Variants in EHMT1 observed in about 807,000 individuals in gnomAD.
EHMT1 encodes euchromatic histone lysine methyltransferase 1.
In EHMT1, 15 loss-of-function variants were observed where a neutral mutation model predicts 147.2. The ratio of observed to expected loss-of-function variants is 0.10; its 90% CI spans 0.07 to 0.16. The LOEUF (loss-of-function observed/expected upper bound fraction) is 0.16. Among genes scored for constraint, EHMT1 ranks in the 10% least tolerant of loss-of-function variants. The pLI is 1.00. For synonymous variants in EHMT1, 795 were observed against 709.6 expected, an observed-to-expected ratio of 1.12 and a Z score of -1.91; for missense variants, 1,587 against 1,772.4, an observed-to-expected ratio of 0.90 and a Z score of 1.88.
At chr9:137,682,898 C>A (rs1433513947) in intron 1 of EHMT1, among the ~76,000 whole-genome samples, 1 of 152,208 alleles carries the variant, frequency 6.6e-6, no homozygotes, top group Admixed American at 6.5e-5. Flanking sequence ...AGGTGCGCTG[C>A]CTGCAGGGGC....
chr9:137,762,953 A>G (rs1270881743), intron 10 of EHMT1, 133 bp downstream of exon 10: 4 of 1,172,394 alleles, frequency 3.4e-6, no homozygotes, highest in South Asian at 1.3e-5. Flanking sequence ...GATTCTGCGC[A>G]GAACCAATCG....
intron 1 of EHMT1, chr9:137,641,044 TTCC>T (rs907331807): frequency 1.3e-5 from 3 of 237,206 alleles, no homozygotes; most frequent in African/African-American, 7.0e-5. Context: ...TGTCTTCCAG[TTCC>T]TCCTCCTCAT....
intron 3 of EHMT1, 138 bp from the exon 4 acceptor site, chr9:137,728,211 A>G (rs1946798604): frequency 3.9e-6 from 5 of 1,278,010 alleles, no homozygotes; most frequent in Admixed American, 3.6e-5. Flanking sequence ...CCGCTTGCAG[A>G]CTTTCTCCTC....
chr9:137,690,619 G>A (rs563307131), intron 1 of EHMT1, among the ~76,000 whole-genome samples: 1 of 152,030 alleles, frequency 6.6e-6, no homozygotes, highest in Non-Finnish European at 1.5e-5. Flanking sequence ...GCCCAGGCTG[G>A]AGTGCAGTGG....
chr9:137,661,603 A>T (rs936223981), intron 1 of EHMT1, among the ~76,000 whole-genome samples: 4 of 149,594 alleles, frequency 2.7e-5, no homozygotes, highest in Admixed American at 6.8e-5. Context: ...CTCCTGCCTC[A>T]GCCTCCCGAG....
chr9:137,817,642 G>C, intron 24 of EHMT1, 117 bp downstream of exon 24: 1 of 1,319,998 alleles, frequency 7.6e-7, no homozygotes, highest in South Asian at 1.2e-5. Flanking sequence ...GTACAGCAGC[G>C]TGGGGTGGGG....
intron 16 of EHMT1, chr9:137,795,199 A>G (rs1285471862): frequency 1.3e-5 from 2 of 152,204 alleles, no homozygotes; most frequent in African/African-American, 4.8e-5. Context: ...GTAAGCTTCC[A>G]AATCAAGGCC....
intron 16 of EHMT1, 25 bp downstream of exon 16, chr9:137,790,995 G>A (rs374904193): frequency 1.5e-4 from 238 of 1,614,174 alleles, no homozygotes; most frequent in Non-Finnish European, 1.9e-4. Context: ...CAGAATCAAC[G>A]TCCTAGTGTG....
At chr9:137,672,230 A>C (rs1940752351) in intron 1 of EHMT1, among the ~76,000 whole-genome samples, 1 of 152,256 alleles carries the variant, frequency 6.6e-6, no homozygotes, top group African/African-American at 2.4e-5. Flanking sequence ...TTTTTAAAAG[A>C]ATACTTCATT....
intron 16 of EHMT1, among the ~76,000 whole-genome samples, chr9:137,794,206 A>G (rs1484048389): frequency 6.6e-6 from 1 of 152,166 alleles, no homozygotes; most frequent in East Asian, 1.9e-4. Context: ...TAATTTTACC[A>G]TTTTTAGTCA....
At position 137,775,270 on chromosome 9, in the gene EHMT1, C is replaced by T. The variant is rs1197509907; in HGVS notation, c.1791+18C>T. On this transcript the variant is annotated intron_variant, in intron 11 of 26. Coordinates refer to ENST00000460843, the MANE Select transcript of EHMT1 (RefSeq NM_024757.5). The surrounding 1 kb of genome is among the most constrained non-coding windows in gnomAD (Gnocchi z 6.1). ...GCACAGCGGTAAGAGCCCAGTCCGG[C>T]AGCCTCTGAGTCCTCCGCAGGCTTT... 1 of 1,607,580 alleles carries T rather than the reference C, an allele frequency of 6.2e-7. No homozygotes were observed.
At chr9:137,784,646 C>A in intron 15 of EHMT1, 1 of 163,778 alleles carries the variant, frequency 6.1e-6, no homozygotes, top group Non-Finnish European at 1.3e-5. Flanking sequence ...AAGGTCAAGA[C>A]TGAATGAGAT....
intron 3 of EHMT1, among the ~76,000 whole-genome samples, chr9:137,720,856 C>A (rs1235820062): frequency 6.6e-6 from 1 of 152,076 alleles, no homozygotes; most frequent in East Asian, 1.9e-4. Flanking sequence ...AGATTTACTT[C>A]TGTGGGTCAA....
intron 1 of EHMT1, among the ~76,000 whole-genome samples, chr9:137,672,769 G>T (rs1940828789): frequency 6.6e-6 from 1 of 152,178 alleles, no homozygotes; most frequent in African/African-American, 2.4e-5. Flanking sequence ...TATCAACATG[G>T]AGATTTTGAA....
At position 137,776,024 on chromosome 9, in the gene EHMT1, A is replaced by G. The variant is rs961883148; in HGVS notation, c.1792-594A>G. ...GATGCCCTGCTGCCCCTTTACGAAC[A>G]TGGGCCAAGAGCTTCCACTTTTGGG... On this transcript the variant is annotated intron_variant, in intron 11 of 26. Transcript: ENST00000460843. This position sits in a 1 kb window ranked among gnomAD's most constrained non-coding sequence, Gnocchi z 4.4. Among the ~76,000 whole-genome samples the G allele has an allele frequency of 6.6e-6, 1 of 152,140 alleles. No individual in the cohort carries two copies. The highest frequency in any genetic ancestry group is 2.4e-5 in the African/African-American group (1 of 41,420).
intron 1 of EHMT1, among the ~76,000 whole-genome samples, chr9:137,666,286 C>T (rs1445644258): frequency 6.6e-6 from 1 of 152,242 alleles, no homozygotes; most frequent in East Asian, 1.9e-4. Context: ...ACAGCTCAGG[C>T]CCGTTCCACA....
chr9:137,762,284 A>T (rs1588578505), intron 9 of EHMT1, among the ~76,000 whole-genome samples: 2 of 150,580 alleles, frequency 1.3e-5, no homozygotes, highest in African/African-American at 4.9e-5. Context: ...TGTGGCTGCC[A>T]TTCTAAAACC....
intron 1 of EHMT1, among the ~76,000 whole-genome samples, chr9:137,708,554 A>G (rs937250834): frequency 1.3e-5 from 2 of 152,252 alleles, no homozygotes; most frequent in Non-Finnish European, 2.9e-5. Flanking sequence ...ATCAAAAATC[A>G]TAGTCACTAA....
intron 1 of EHMT1, among the ~76,000 whole-genome samples, chr9:137,694,510 G>A (rs533523412): frequency 1.4e-4 from 22 of 152,224 alleles, no homozygotes; most frequent in African/African-American, 4.8e-4. Context: ...AGGCAGTCTC[G>A]TTGGTCGGCA....
Sources: gnomAD v4.1 joint callset for allele counts (sites outside exome capture counted in the v4.1 genomes callset) on GRCh38, gnomAD v4.1.1 for gene constraint, Gnocchi (gnomAD v3.1) non-coding constraint, MANE v1.5 for transcripts, NCBI Gene and HGNC (gene_info 2026-07-23, HGNC 2026-07-21) for gene names.